Variants in ANO5 observed in about 807,000 individuals in gnomAD.
ANO5 encodes the protein anoctamin 5, also known as anoctamin-5.
Under a neutral mutation model 121.0 loss-of-function variants are expected in ANO5, and 109 were observed. That is an observed-to-expected ratio of 0.90 (90% CI 0.77 to 1.06). ANO5 has a LOEUF of 1.06. ANO5 is among the 50% of genes least tolerant of loss of function. The pLI, the probability that ANO5 is intolerant of heterozygous loss-of-function variation, is 0.00. For synonymous variants in ANO5, 406 were observed against 359.9 expected (o/e 1.13, Z -1.45); for missense variants, 1,064 against 1,078.5 (o/e 0.99, Z 0.19).
chr11:22,252,565 G>A (rs1853862011), intron 12 of ANO5, among the ~76,000 whole-genome samples: 1 of 152,042 alleles, frequency 6.6e-6, no homozygotes, highest in Admixed American at 6.6e-5. Flanking sequence ...TGATTCACAT[G>A]TGCTTTTGTA....
chr11:22,278,497 C>A (rs1590339020), intron 21 of ANO5, among the ~76,000 whole-genome samples: 1 of 144,962 alleles, frequency 6.9e-6, no homozygotes, highest in Admixed American at 6.8e-5. Flanking sequence ...CTACTTTTTT[C>A]TTTTACTCCT....
chr11:22,226,116 C>T, intron 6 of ANO5, 64 bp downstream of exon 6: 1 of 1,355,224 alleles, frequency 7.4e-7, no homozygotes, highest in Non-Finnish European at 1.0e-6. Flanking sequence ...CCTACTCTGG[C>T]CTTTGCCTGG....
chr11:22,279,601 G>C lies in ANO5; in HGVS notation c.2578G>C (p.Asp860His), dbSNP rs145362994. ...CTGGATGATACCTGATGTTCCAAAA[G>C]ATGTTGTGGAGAGAATCAAGAGAGA... ...LAWMIPDVPK[D>H]VVERIKREKL... The change falls in exon 22 of 22, where the codon GAT becomes CAT. Residue 860 changes from aspartate (D) to histidine (H), a missense_variant. Physicochemically the swap from Asp to His is moderately conservative, Grantham distance 81 (BLOSUM62 -1). Coordinates refer to ENST00000324559, the MANE Select transcript of ANO5 (RefSeq NM_213599.3). 1.8e-5 allele frequency: 29 copies of C among 1,612,810 alleles called. No homozygotes were observed. Among genetic ancestry groups the C allele is most frequent in the Non-Finnish European group, 2.4e-5 (28 of 1,179,188 alleles).
At chr11:22,274,163 TACAC>T (rs34022294) in intron 19 of ANO5, among the ~76,000 whole-genome samples, 2,823 of 143,808 alleles carry the variant, frequency 0.02, 61 homozygotes, top group African/African-American at 0.057. Context: ...GTTAATCTCT[TACAC>T]ACACACACAC....
chr11:22,271,663 ATAAT>A (rs145438405), intron 18 of ANO5, among the ~76,000 whole-genome samples: 7,343 of 152,284 alleles, frequency 0.048, 539 homozygotes, highest in African/African-American at 0.17. Context: ...TTATTAAGAC[ATAAT>A]TAATTTATTC....
chr11:22,243,189 T>C, intron 9 of ANO5, among the ~76,000 whole-genome samples: 1 of 152,106 alleles, frequency 6.6e-6, no homozygotes, highest in East Asian at 1.9e-4. Flanking sequence ...GTTTTTCCTC[T>C]TAATCCTATT....
At chr11:22,205,297 G>T (rs1475997218) in intron 2 of ANO5, among the ~76,000 whole-genome samples, 1 of 152,020 alleles carries the variant, frequency 6.6e-6, no homozygotes, top group African/African-American at 2.4e-5. Context: ...AAGCCCACAT[G>T]ACATAAGTTT....
chr11:22,240,886 T>C (rs1214081879), intron 9 of ANO5, among the ~76,000 whole-genome samples: 3 of 151,994 alleles, frequency 2.0e-5, no homozygotes, highest in African/African-American at 7.2e-5. Flanking sequence ...AAATAGTATA[T>C]TACTGATGTC....
At chr11:22,242,938 T>A (rs1346583988) in intron 9 of ANO5, among the ~76,000 whole-genome samples, 1 of 152,058 alleles carries the variant, frequency 6.6e-6, no homozygotes, top group African/African-American at 2.4e-5. Context: ...AAGCACTATG[T>A]TGAATAGGAG....
intron 1 of ANO5, 129 bp downstream of exon 1, chr11:22,193,661 G>A (rs1851721955): frequency 1.6e-6 from 2 of 1,218,192 alleles, no homozygotes; most frequent in Admixed American, 4.2e-5. Flanking sequence ...TCGCTGCGTG[G>A]CGTGCTCAGC....
At chr11:22,196,609 G>T (rs572515132) in intron 1 of ANO5, among the ~76,000 whole-genome samples, 1 of 151,358 alleles carries the variant, frequency 6.6e-6, no homozygotes, top group African/African-American at 2.4e-5. Flanking sequence ...GTTGGCTCAC[G>T]CCTGTAATCC....
At chr11:22,219,013 T>G (rs573021687) in intron 4 of ANO5, among the ~76,000 whole-genome samples, 1 of 152,222 alleles carries the variant, frequency 6.6e-6, no homozygotes, top group South Asian at 2.1e-4. Context: ...ATTTATATTA[T>G]GTTTTGAGCA....
chr11:22,259,639 C>G lies in ANO5; in HGVS notation c.1528C>G (p.Pro510Ala). ...AAAGCAGGTCAAAAGCTTCCTTACT[C>G]CTCAGATAACCACATCACTCACAGG... is the stretch of plus-strand genomic sequence containing the variant. ...SLKQVKSFLT[P>A]QITTSLTGSC... The change falls in exon 15 of 22, where the codon CCT becomes GCT. Residue 510 changes from proline to alanine, a missense_variant. Transcript: ENST00000324559. 1.4e-5 allele frequency: 22 copies of G among 1,614,038 alleles called. No homozygotes were observed. Among genetic ancestry groups the G allele is most frequent in the Non-Finnish European group, 1.9e-5 (22 of 1,179,982 alleles).
At chr11:22,271,344 A>G (rs957261604) in intron 18 of ANO5, among the ~76,000 whole-genome samples, 2 of 152,158 alleles carry the variant, frequency 1.3e-5, no homozygotes, top group African/African-American at 4.8e-5. Context: ...CACAGCGCCC[A>G]GCCAGGAAAA....
intron 9 of ANO5, among the ~76,000 whole-genome samples, chr11:22,248,948 C>T (rs1853708509): frequency 6.6e-6 from 1 of 151,814 alleles, no homozygotes; most frequent in African/African-American, 2.4e-5. Flanking sequence ...ATTTTGATGT[C>T]ATGTACTATT....
At chr11:22,205,131 G>A (rs193271174) in intron 2 of ANO5, among the ~76,000 whole-genome samples, 3 of 152,174 alleles carry the variant, frequency 2.0e-5, no homozygotes, top group Admixed American at 6.5e-5. Flanking sequence ...TCACTTATAA[G>A]TTGGAGATAA....
intron 3 of ANO5, among the ~76,000 whole-genome samples, chr11:22,217,995 A>G (rs1033307803): frequency 5.3e-5 from 8 of 151,986 alleles, no homozygotes; most frequent in African/African-American, 1.9e-4. Flanking sequence ...ATTTTTAGTC[A>G]CTATTTAAAG....
chr11:22,279,784 A>G lies in ANO5; in HGVS notation c.*19A>G. 6.3e-7 allele frequency: 1 copy of G among 1,598,656 alleles called. No homozygotes were observed. The highest frequency in any genetic ancestry group is 8.6e-7 in the Non-Finnish European group (1 of 1,167,518). ...ACTCTAATCAGTATAGTGAGGAAGCAGCAGGTGATCTGCCTTACTTCACTT... is the reference window on the plus strand; with the variant it reads ...ACTCTAATCAGTATAGTGAGGAAGCGGCAGGTGATCTGCCTTACTTCACTT... On this transcript the variant is annotated 3_prime_UTR_variant, in exon 22 of 22. Transcript: ENST00000324559.
intron 17 of ANO5, among the ~76,000 whole-genome samples, chr11:22,268,812 T>G (rs1166794340): frequency 6.6e-6 from 1 of 151,972 alleles, no homozygotes; most frequent in African/African-American, 2.4e-5. Flanking sequence ...GCTCAGGAGT[T>G]CAAGACCAGC....
Sources: gnomAD v4.1 joint callset for allele counts (sites outside exome capture counted in the v4.1 genomes callset) on GRCh38, gnomAD v4.1.1 for gene constraint, MANE v1.5 for transcripts, NCBI Gene and HGNC (gene_info 2026-07-23, HGNC 2026-07-21) for gene names.